Variants in HTR7 observed in about 807,000 individuals in gnomAD.
HTR7 encodes 5-hydroxytryptamine receptor 7.
A neutral mutation model predicts 34.0 loss-of-function variants in HTR7; 16 were observed. The ratio of observed to expected loss-of-function variants is 0.47; its 90% CI spans 0.32 to 0.71. HTR7 has a LOEUF of 0.71. Among genes scored for constraint, HTR7 ranks in the 30% least tolerant of loss-of-function variants. The pLI, the probability that HTR7 is intolerant of heterozygous loss-of-function variation, is 0.04. For missense variants in HTR7, 504 were observed against 625.5 expected, an observed-to-expected ratio of 0.81 and a Z score of 2.07; for synonymous variants, 265 against 260.2, an observed-to-expected ratio of 1.02 and a Z score of -0.18.
Position 90,857,471 on chromosome 10 carries a change from G to A in HTR7, c.201C>T (p.Ala67=), listed in dbSNP as rs753720060. The A allele has an allele frequency of 4.3e-6, 7 of 1,613,796 alleles. No individual in the cohort carries two copies. Among genetic ancestry groups the A allele is most frequent in the Non-Finnish European group, 5.1e-6 (6 of 1,180,026 alleles). Residue 67 remains alanine, a synonymous_variant, in exon 1 of 4, where the codon GCC becomes GCT. Coordinates refer to ENST00000336152, the MANE Select transcript of HTR7 (RefSeq NM_019859.4). The surrounding 1 kb of genome is among the most constrained non-coding windows in gnomAD (Gnocchi z 6.5). ...AGTTGATCTGTTCCCCACAGCCGGA[G>A]GCATTGTCCGGGGGCGCGTCCCAGG... ...APTWDAPPDN[A]SGCGEQINYG... is the part of the protein sequence containing the mutation.
intron 1 of HTR7, among the ~76,000 whole-genome samples, chr10:90,771,695 A>C (rs1205546230): frequency 2.0e-5 from 3 of 152,134 alleles, no homozygotes; most frequent in African/African-American, 7.2e-5. Context: ...CAGACCCCAC[A>C]TTCACTCACA....
intron 1 of HTR7, among the ~76,000 whole-genome samples, chr10:90,771,385 G>A (rs1291420995): frequency 6.6e-6 from 1 of 152,182 alleles, no homozygotes; most frequent in Non-Finnish European, 1.5e-5. Context: ...CACAAACAGG[G>A]CTGAAACATA....
chr10:90,823,434 C>A (rs183705790), intron 1 of HTR7, among the ~76,000 whole-genome samples: 36 of 152,320 alleles, frequency 2.4e-4, no homozygotes, highest in South Asian at 4.1e-4. Flanking sequence ...TGATTTCTCC[C>A]GCTTGGAATG....
At chr10:90,842,288 A>G (rs540583530) in intron 1 of HTR7, among the ~76,000 whole-genome samples, 1 of 152,296 alleles carries the variant, frequency 6.6e-6, no homozygotes, top group African/African-American at 2.4e-5. Flanking sequence ...AGTCTTTACC[A>G]GACATGGAAC....
In HTR7 at chr10:90,741,540, G is replaced by C. The variant is rs1844544429; in HGVS notation, c.*942C>G. 6.6e-6 allele frequency: 1 copy of C among 152,180 alleles called. No homozygotes were observed. The highest frequency in any genetic ancestry group is 1.5e-5 in the Non-Finnish European group (1 of 68,024). 9.4% of individuals were successfully genotyped at this position (152,180 alleles called of 1,614,324 possible). On this transcript the variant is annotated 3_prime_UTR_variant, in exon 4 of 4. Transcript: ENST00000336152. ...GGTTTAACACAATGCAGCTCAACAAGAATGAACATGTTTATGCCCCATCTC... is the reference window on the plus strand; with the variant it reads ...GGTTTAACACAATGCAGCTCAACAACAATGAACATGTTTATGCCCCATCTC...
intron 1 of HTR7, among the ~76,000 whole-genome samples, chr10:90,772,932 A>G (rs148628879): frequency 2.4e-3 from 362 of 152,334 alleles, no homozygotes; most frequent in Non-Finnish European, 4.1e-3. Flanking sequence ...TTACTCTCCC[A>G]ACATCACATA....
chr10:90,832,014 G>C (rs898384416), intron 1 of HTR7, among the ~76,000 whole-genome samples: 2 of 152,216 alleles, frequency 1.3e-5, no homozygotes, highest in Non-Finnish European at 2.9e-5. Flanking sequence ...TACAAACCTT[G>C]AGCTAGATAC....
intron 1 of HTR7, among the ~76,000 whole-genome samples, chr10:90,846,865 C>A (rs1430246760): frequency 6.6e-6 from 1 of 152,150 alleles, no homozygotes; most frequent in African/African-American, 2.4e-5. Context: ...TTGGGGTAGG[C>A]AACCAGCAGT....
chr10:90,794,279 C>T (rs114684594), intron 1 of HTR7, among the ~76,000 whole-genome samples: 2,401 of 152,200 alleles, frequency 0.016, 78 homozygotes, highest in African/African-American at 0.054. Flanking sequence ...TACAAGGAGC[C>T]GTCATCTCTT....
At chr10:90,805,739 CTA>C (rs879794565) in intron 1 of HTR7, among the ~76,000 whole-genome samples, 3 of 152,136 alleles carry the variant, frequency 2.0e-5, no homozygotes, top group Non-Finnish European at 4.4e-5. Context: ...TTCTATGTGT[CTA>C]TATGTTTCTA....
intron 1 of HTR7, among the ~76,000 whole-genome samples, chr10:90,770,522 C>T (rs1845092230): frequency 6.6e-6 from 1 of 152,228 alleles, no homozygotes; most frequent in African/African-American, 2.4e-5. Context: ...CTTGGGTTGT[C>T]TGCTCCTGCT....
At chr10:90,785,736 ATACTT>A (rs1402154993) in intron 1 of HTR7, among the ~76,000 whole-genome samples, 2 of 152,320 alleles carry the variant, frequency 1.3e-5, no homozygotes, top group South Asian at 2.1e-4. Context: ...GTTCATTCTT[ATACTT>A]TACTTTAGTC....
At chr10:90,777,726 C>T (rs1238338428) in intron 1 of HTR7, among the ~76,000 whole-genome samples, 2 of 152,160 alleles carry the variant, frequency 1.3e-5, no homozygotes, top group East Asian at 3.9e-4. Context: ...GAAAGCATTG[C>T]TATCCTAAAC....
chr10:90,805,330 G>A (rs1845688411), intron 1 of HTR7, among the ~76,000 whole-genome samples: 1 of 152,158 alleles, frequency 6.6e-6, no homozygotes, highest in Non-Finnish European at 1.5e-5. Context: ...TAACACACAA[G>A]CTAAGTTGAA....
chr10:90,857,918 C>T lies in HTR7; in HGVS notation c.-247G>A, dbSNP rs1256084495. Among the ~76,000 whole-genome samples, 3 of 151,296 alleles carry T rather than the reference C, an allele frequency of 2.0e-5. No homozygotes were observed. The highest frequency in any genetic ancestry group is 7.3e-5 in the African/African-American group (3 of 41,354). On this transcript the variant is annotated 5_prime_UTR_variant, in exon 1 of 4. Coordinates refer to ENST00000336152, the MANE Select transcript of HTR7 (RefSeq NM_019859.4). This position sits in a 1 kb window ranked among gnomAD's most constrained non-coding sequence, Gnocchi z 6.5. The stretch of plus-strand genomic sequence containing the variant: ...GGGAGGCGCTTCGGCCCCCGACGGA[C>T]GCCTGGGACGCGCGGAGTCGAGGGA...
intron 1 of HTR7, among the ~76,000 whole-genome samples, chr10:90,842,088 T>C (rs181668129): frequency 1.9e-4 from 29 of 152,286 alleles, no homozygotes; most frequent in Admixed American, 1.7e-3. Context: ...AATTCATATA[T>C]TGGAACTTGA....
chr10:90,804,949 CTG>C (rs1845681005), intron 1 of HTR7, among the ~76,000 whole-genome samples: 1 of 152,186 alleles, frequency 6.6e-6, no homozygotes, highest in African/African-American at 2.4e-5. Flanking sequence ...AAAGACTCCT[CTG>C]TTGGGAGGAA....
chr10:90,803,220 G>A (rs537578650), intron 1 of HTR7, among the ~76,000 whole-genome samples: 20 of 152,038 alleles, frequency 1.3e-4, no homozygotes, highest in Non-Finnish European at 2.6e-4. Context: ...ACTTGGAAGA[G>A]GGCCAAGCAG....
chr10:90,788,099 G>A (rs567219154), intron 1 of HTR7, among the ~76,000 whole-genome samples: 2 of 152,192 alleles, frequency 1.3e-5, no homozygotes, highest in East Asian at 3.9e-4. Context: ...ACCATCTAGT[G>A]GAGAAAGGCC....
Sources: gnomAD v4.1 joint callset for allele counts (sites outside exome capture counted in the v4.1 genomes callset) on GRCh38, gnomAD v4.1.1 for gene constraint, Gnocchi (gnomAD v3.1) non-coding constraint, MANE v1.5 for transcripts, NCBI Gene and HGNC (gene_info 2026-07-23, HGNC 2026-07-21) for gene names.